Variants in RIMBP2 observed in about 807,000 individuals in gnomAD.
The protein encoded by RIMBP2 is RIMS binding protein 2.
In RIMBP2, 48 loss-of-function variants were observed where a neutral mutation model predicts 118.6. That is an observed-to-expected ratio of 0.40 (90% CI 0.32 to 0.51). RIMBP2 has a LOEUF of 0.51. Among genes scored for constraint, RIMBP2 ranks in the 20% least tolerant of loss-of-function variants. RIMBP2 has a pLI of 0.41. For synonymous variants in RIMBP2, 762 were observed against 742.9 expected (o/e 1.03, Z -0.42); for missense variants, 1,551 against 1,768.3 (o/e 0.88, Z 2.20).
chr12:130,524,527 G>T (rs1334699352), intron 2 of RIMBP2, among the ~76,000 whole-genome samples: 1 of 152,234 alleles, frequency 6.6e-6, no homozygotes, highest in Admixed American at 6.5e-5. Context: ...GGTAGCAGAC[G>T]TGAAGAGGCA....
rs12310076 is a variant in RIMBP2, at chr12:130,451,984, C to T, written c.359-644G>A. 5.3e-3 allele frequency among the ~76,000 whole-genome samples: 811 copies of T among 152,324 alleles called. 7 individuals carry two copies. The highest frequency in any genetic ancestry group is 0.019 in the African/African-American group (770 of 41,572). On this transcript the variant is annotated intron_variant, in intron 7 of 22. Coordinates refer to ENST00000690449, the MANE Select transcript of RIMBP2 (RefSeq NM_001393629.1). ...GCAAGGGCTGAAATAGTTCTTATCCCGTCCTATCCTCCTGGGGTCTCAGGG... is the reference window on the plus strand; with the variant it reads ...GCAAGGGCTGAAATAGTTCTTATCCTGTCCTATCCTCCTGGGGTCTCAGGG...
At chr12:130,631,256 G>T (rs1230054006) in intron 1 of RIMBP2, among the ~76,000 whole-genome samples, 2 of 152,134 alleles carry the variant, frequency 1.3e-5, no homozygotes, top group African/African-American at 4.8e-5. Context: ...CAACGAAAGG[G>T]ATGTAACCAC....
At chr12:130,652,136 T>G (rs1462934590) in intron 1 of RIMBP2, among the ~76,000 whole-genome samples, 1 of 152,232 alleles carries the variant, frequency 6.6e-6, no homozygotes, top group Non-Finnish European at 1.5e-5. Context: ...GCTATGTATT[T>G]TCCTTGGAGT....
chr12:130,589,371 A>G (rs115653976), intron 2 of RIMBP2, among the ~76,000 whole-genome samples: 58,226 of 151,954 alleles, frequency 0.38, 12,344 homozygotes, highest in Admixed American at 0.53. Context: ...AGAAAAAAGA[A>G]AAAGAAAATA....
chr12:130,500,461 G>GAAAAAACA (rs761939350), intron 4 of RIMBP2, among the ~76,000 whole-genome samples: 6 of 152,078 alleles, frequency 3.9e-5, no homozygotes, highest in Non-Finnish European at 7.4e-5. Flanking sequence ...CCTTCTCAAA[G>GAAAAAACA]AAAAAACAAA....
chr12:130,601,011 G>A (rs567535033), intron 2 of RIMBP2, among the ~76,000 whole-genome samples: 19 of 152,216 alleles, frequency 1.2e-4, no homozygotes, highest in Admixed American at 2.0e-4. Context: ...AGCCCTAGCC[G>A]AGTACACCCT....
chr12:130,585,450 A>C (rs2058820871), intron 2 of RIMBP2, among the ~76,000 whole-genome samples: 1 of 152,074 alleles, frequency 6.6e-6, no homozygotes. Context: ...TGTTGAATTA[A>C]ATGGCCACTT....
Position 130,450,206 on chromosome 12 carries a change from C to A in RIMBP2, c.575G>T (p.Arg192Leu). The A allele has an allele frequency of 6.2e-7, 1 of 1,605,008 alleles. No homozygotes were observed. Among genetic ancestry groups the A allele is most frequent in the Non-Finnish European group, 8.5e-7 (1 of 1,174,682 alleles). ...YSGKVHLCVARYSYNPFDGPN... is the reference protein window; with the variant it reads ...YSGKVHLCVALYSYNPFDGPN... ...GCCGAGGGGCCGCACTTACCTATAGCGGGCAACACAGAGGTGGACCTTCCC... is the reference window on the plus strand; with the variant it reads ...GCCGAGGGGCCGCACTTACCTATAGAGGGCAACACAGAGGTGGACCTTCCC... The change falls in exon 9 of 23, where the codon CGC becomes CTC. Residue 192 changes from arginine (R) to leucine (L), a missense_variant. Coordinates refer to ENST00000690449, the MANE Select transcript of RIMBP2 (RefSeq NM_001393629.1). This position sits in a 1 kb window ranked among gnomAD's most constrained non-coding sequence, Gnocchi z 4.8.
chr12:130,476,796 C>T (rs1478912075), intron 5 of RIMBP2, among the ~76,000 whole-genome samples: 3 of 152,210 alleles, frequency 2.0e-5, no homozygotes, highest in Non-Finnish European at 4.4e-5. Context: ...CCTTTTTTAG[C>T]CTGGGAGGGC....
intron 6 of RIMBP2, among the ~76,000 whole-genome samples, chr12:130,457,261 C>G (rs1344021291): frequency 6.6e-6 from 1 of 150,840 alleles, no homozygotes; most frequent in Non-Finnish European, 1.5e-5. Context: ...GCAATAAGGA[C>G]TCTCTATCTG....
intron 17 of RIMBP2, chr12:130,421,061 C>T (rs148958617): frequency 6.6e-6 from 1 of 152,304 alleles, no homozygotes; most frequent in Non-Finnish European, 1.5e-5. Flanking sequence ...GAGCCTTGAA[C>T]AGGGGGATTG....
chr12:130,458,968 C>T (rs1400198156), intron 6 of RIMBP2, among the ~76,000 whole-genome samples: 2 of 149,990 alleles, frequency 1.3e-5, no homozygotes, highest in African/African-American at 2.5e-5. Flanking sequence ...CACTTGAACC[C>T]GGGAGGCAGA....
intron 1 of RIMBP2, among the ~76,000 whole-genome samples, chr12:130,642,442 G>A (rs1488329480): frequency 5.9e-5 from 9 of 152,070 alleles, no homozygotes; most frequent in African/African-American, 1.5e-4. Context: ...CCGCTACCAC[G>A]CCCAGCTAAT....
rs1254779152 is a variant in RIMBP2 at position 130,447,320 on chromosome 12, A to G, written c.582-2051T>C. 6.6e-6 allele frequency among the ~76,000 whole-genome samples: 1 copy of G among 151,500 alleles called. No individual in the cohort carries two copies. The highest frequency in any genetic ancestry group is 1.5e-5 in the Non-Finnish European group (1 of 67,890). ...TGGGAGATCCTACGGCTGTCGTGACAACCTCGTCGGTGCTCCTGCGTGTGG... is the reference window on the plus strand; with the variant it reads ...TGGGAGATCCTACGGCTGTCGTGACGACCTCGTCGGTGCTCCTGCGTGTGG... On this transcript the variant is annotated intron_variant, in intron 9 of 22. Transcript: ENST00000690449. This position sits in a 1 kb window ranked among gnomAD's most constrained non-coding sequence, Gnocchi z 4.4.
In RIMBP2 at chr12:130,419,071, G is replaced by T. The variant is rs2136626060; in HGVS notation, c.3238+3382C>A. 6.6e-6 allele frequency among the ~76,000 whole-genome samples: 1 copy of T among 152,340 alleles called. No homozygotes were observed. The highest frequency in any genetic ancestry group is 1.9e-4 in the East Asian group (1 of 5,174). On this transcript the variant is annotated intron_variant, in intron 17 of 22. Transcript: ENST00000690449. The surrounding 1 kb of genome is among the most constrained non-coding windows in gnomAD (Gnocchi z 4.3). ...CTCCACCGTATGTTCTTCCAGAGAG[G>T]ATGCACTGGATGTGTTATGAGCACC...
intron 1 of RIMBP2, among the ~76,000 whole-genome samples, chr12:130,633,099 C>G (rs1431386399): frequency 6.6e-6 from 1 of 152,136 alleles, no homozygotes. Context: ...AAAAAGAACC[C>G]CCCAGGTCTT....
chr12:130,477,250 G>A (rs1177697505), intron 5 of RIMBP2, among the ~76,000 whole-genome samples: 1 of 152,190 alleles, frequency 6.6e-6, no homozygotes, highest in Non-Finnish European at 1.5e-5. Context: ...ATTCTCCTTG[G>A]CATCAAATGC....
chr12:130,551,683 C>A (rs2055801519), intron 2 of RIMBP2, among the ~76,000 whole-genome samples: 1 of 152,100 alleles, frequency 6.6e-6, no homozygotes, highest in Non-Finnish European at 1.5e-5. Flanking sequence ...AAAGAAAATG[C>A]ACAGATAGAG....
At chr12:130,509,870 C>T (rs1034951510) in intron 3 of RIMBP2, among the ~76,000 whole-genome samples, 8 of 152,190 alleles carry the variant, frequency 5.3e-5, no homozygotes, top group Non-Finnish European at 7.3e-5. Context: ...CATTAGCAGC[C>T]CAGAAGCACC....
Sources: gnomAD v4.1 joint callset for allele counts (sites outside exome capture counted in the v4.1 genomes callset) on GRCh38, gnomAD v4.1.1 for gene constraint, Gnocchi (gnomAD v3.1) non-coding constraint, MANE v1.5 for transcripts, NCBI Gene and HGNC (gene_info 2026-07-23, HGNC 2026-07-21) for gene names.